Variants in DZIP3 observed in about 807,000 individuals in gnomAD.
The protein encoded by DZIP3 is E3 ubiquitin-protein ligase DZIP3.
A neutral mutation model predicts 162.0 loss-of-function variants in DZIP3; 118 were observed. The observed-to-expected ratio is 0.73, with a 90% CI of 0.63 to 0.85. The LOEUF (loss-of-function observed/expected upper bound fraction) is 0.85, where lower values mean the gene tolerates loss of function less well. Ranked by LOEUF, DZIP3 falls within the 40% of genes least tolerant of loss-of-function variation. DZIP3 has a pLI of 0.00. For missense variants in DZIP3, 1,331 were observed against 1,407.0 expected, an observed-to-expected ratio of 0.95 and a Z score of 0.86; for synonymous variants, 438 against 458.6, an observed-to-expected ratio of 0.96 and a Z score of 0.57.
At chr3:108,679,201 T>A in intron 26 of DZIP3, among the ~76,000 whole-genome samples, 1 of 152,104 alleles carries the variant, frequency 6.6e-6, no homozygotes, top group Non-Finnish European at 1.5e-5. Context: ...CAATGGCTCT[T>A]AACTATAAAA....
At chr3:108,619,441 T>C (rs1042648406) in intron 5 of DZIP3, among the ~76,000 whole-genome samples, 1 of 152,048 alleles carries the variant, frequency 6.6e-6, no homozygotes, top group Non-Finnish European at 1.5e-5. Context: ...TTATAGAGGC[T>C]CAGCAAGTCC....
chr3:108,645,812 G>A (rs1942598490), intron 14 of DZIP3, among the ~76,000 whole-genome samples: 1 of 152,150 alleles, frequency 6.6e-6, no homozygotes, highest in Admixed American at 6.5e-5. Context: ...GAATGAAAGA[G>A]GAGGACACTG....
intron 20 of DZIP3, 57 bp from the exon 21 acceptor site, chr3:108,662,073 T>C: frequency 6.4e-7 from 1 of 1,565,772 alleles, no homozygotes; most frequent in Non-Finnish European, 8.6e-7. Flanking sequence ...TGCTTTTTTC[T>C]TTCAATTTCT....
At chr3:108,672,945 G>T (rs1943977335) in intron 23 of DZIP3, among the ~76,000 whole-genome samples, 1 of 151,906 alleles carries the variant, frequency 6.6e-6, no homozygotes, top group Non-Finnish European at 1.5e-5. Flanking sequence ...AAATTCTCAT[G>T]AAGCCAAGTC....
At chr3:108,592,207 G>A (rs1236620770) in intron 1 of DZIP3, among the ~76,000 whole-genome samples, 1 of 152,084 alleles carries the variant, frequency 6.6e-6, no homozygotes, top group Non-Finnish European at 1.5e-5. Flanking sequence ...CCTTCTAAAG[G>A]ATAACCAGGA....
At chr3:108,654,107 AAT>A in intron 18 of DZIP3, 36 bp from the exon 19 acceptor site, 1 of 1,598,926 alleles carries the variant, frequency 6.3e-7, no homozygotes, top group Non-Finnish European at 8.5e-7. Context: ...ATTACTATAC[AAT>A]TGTAAAAGCT....
chr3:108,662,096 A>G lies in DZIP3; in HGVS notation c.2296-34A>G, dbSNP rs773352112. On this transcript the variant is annotated intron_variant, in intron 20 of 32. Transcript: ENST00000361582. ...TCTTTCAATTTCTGGTGACTTGAAC[A>G]TAATTATCTGAAATAATATTTTTTA... The G allele has an allele frequency of 5.7e-6, 9 of 1,574,514 alleles. No individual in the cohort carries two copies. In the Admixed American group the frequency reaches 1.6e-4, roughly 28 times the overall value.
At chr3:108,618,885 A>C (rs979516524) in intron 5 of DZIP3, among the ~76,000 whole-genome samples, 2 of 151,798 alleles carry the variant, frequency 1.3e-5, no homozygotes, top group African/African-American at 4.8e-5. Flanking sequence ...ACATGGTGAA[A>C]CCCCGTGTGT....
At chr3:108,685,368 C>T (rs1239301578) in intron 27 of DZIP3, among the ~76,000 whole-genome samples, 1 of 152,106 alleles carries the variant, frequency 6.6e-6, no homozygotes, top group African/African-American at 2.4e-5. Flanking sequence ...GGGAAATATT[C>T]TGCTTCCCCT....
intron 26 of DZIP3, among the ~76,000 whole-genome samples, chr3:108,683,138 C>T (rs965330145): frequency 6.6e-6 from 1 of 150,590 alleles, no homozygotes; most frequent in Non-Finnish European, 1.5e-5. Context: ...TAAAGCAAAC[C>T]CCAGATATCA....
chr3:108,690,678 T>G, intron 31 of DZIP3, 109 bp from the exon 32 acceptor site: 1 of 986,336 alleles, frequency 1.0e-6, no homozygotes, highest in South Asian at 1.6e-5. Context: ...GCGTAAGGCT[T>G]TAAAGATCCA....
At chr3:108,636,536 A>G in intron 10 of DZIP3, 80 bp from the exon 11 acceptor site, 1 of 946,796 alleles carries the variant, frequency 1.1e-6, no homozygotes, top group Non-Finnish European at 1.5e-6. Context: ...TTTGCTTCTA[A>G]CTACATTTAT....
rs529023400 is a variant in DZIP3, at chr3:108,616,800, T to G, written c.375+143T>G. On this transcript the variant is annotated intron_variant, in intron 5 of 32. Coordinates refer to ENST00000361582, the MANE Select transcript of DZIP3 (RefSeq NM_014648.4). ...CCTCTAGAAAAGGGTATGTATAAAT[T>G]GATTGCCTTCCTGTGTCTTGTACTT... 8 of 580,198 alleles carry G rather than the reference T, an allele frequency of 1.4e-5. No homozygotes were observed. In the African/African-American group the frequency reaches 1.5e-4, roughly 11 times the overall value. 35.9% of individuals were successfully genotyped at this position (580,198 alleles called of 1,614,324 possible).
Position 108,616,624 on chromosome 3 carries a change from A to C in DZIP3, c.342A>C (p.Ala114=). 6.2e-7 allele frequency: 1 copy of C among 1,604,400 alleles called. No homozygotes were observed. Among genetic ancestry groups the C allele is most frequent in the Non-Finnish European group, 8.5e-7 (1 of 1,175,832 alleles). ...TLRFLITQLE[A]ALRNIQAGNY... ...GTTTCTTGATTACACAGCTAGAAGC[A>C]GCACTTAGGAACATTCAAGCTGGCA... Residue 114 remains alanine (A), a synonymous_variant, in exon 5 of 33, where the codon GCA becomes GCC. Transcript: ENST00000361582.
At chr3:108,689,972 C>T (rs1408993915) in intron 31 of DZIP3, among the ~76,000 whole-genome samples, 2 of 152,146 alleles carry the variant, frequency 1.3e-5, no homozygotes, top group African/African-American at 4.8e-5. Context: ...TTTGTATTTG[C>T]TCTAATATGA....
chr3:108,634,637 A>T, intron 9 of DZIP3, among the ~76,000 whole-genome samples: 1 of 152,312 alleles, frequency 6.6e-6, no homozygotes, highest in Middle Eastern at 3.4e-3. Context: ...TGGAAAATAT[A>T]TTAATTTTTT....
At chr3:108,681,767 C>T (rs768240871) in intron 26 of DZIP3, among the ~76,000 whole-genome samples, 25 of 151,174 alleles carry the variant, frequency 1.7e-4, no homozygotes, top group Non-Finnish European at 2.1e-4. Flanking sequence ...AGGATGTGTT[C>T]ATATCCTTTG....
intron 19 of DZIP3, among the ~76,000 whole-genome samples, chr3:108,661,642 A>T (rs1460118707): frequency 6.6e-6 from 1 of 152,184 alleles, no homozygotes; most frequent in Non-Finnish European, 1.5e-5. Context: ...TAATAATTAA[A>T]AAAAAAGAAA....
intron 19 of DZIP3, among the ~76,000 whole-genome samples, chr3:108,657,877 T>C (rs2107271381): frequency 6.6e-6 from 1 of 151,832 alleles, no homozygotes; most frequent in East Asian, 1.9e-4. Flanking sequence ...CCAACAAAGA[T>C]CAAAAGAGAC....
Sources: allele counts gnomAD v4.1 joint callset (sites outside exome capture counted in the v4.1 genomes callset), GRCh38; gene constraint gnomAD v4.1.1; transcripts MANE v1.5; gene names NCBI Gene and HGNC (gene_info 2026-07-23, HGNC 2026-07-21).